Variants in ZNF451 observed in about 807,000 individuals in gnomAD.
ZNF451 encodes zinc finger protein 451, also known as E3 SUMO-protein ligase ZNF451.
A neutral mutation model predicts 107.1 loss-of-function variants in ZNF451; 80 were observed. The observed-to-expected ratio is 0.75, with a 90% CI of 0.62 to 0.90. The LOEUF (loss-of-function observed/expected upper bound fraction) is 0.90. ZNF451 is among the 40% of genes least tolerant of loss of function. The pLI is 0.00. For synonymous variants in ZNF451, 362 were observed against 406.5 expected (o/e 0.89, Z 1.32); for missense variants, 1,107 against 1,236.2 (o/e 0.90, Z 1.57).
At position 57,147,682 on chromosome 6, in the gene ZNF451, T is replaced by C; in HGVS notation, c.1597T>C (p.Cys533Arg). The part of the protein sequence containing the change: ...GAHLNNFLFW[C>R]RTCKKELTRK... ...ACATTTAAATAACTTTCTTTTCTGG[T>C]GTCGGACATGCAAAAAGGAGTTAAC... The change falls in exon 10 of 15, where the codon TGT (cysteine) becomes CGT (arginine). Residue 533 changes from cysteine (C) to arginine (R), a missense_variant. Cys to Arg is a radical substitution (Grantham distance 180). Coordinates refer to ENST00000370706, the MANE Select transcript of ZNF451 (RefSeq NM_001031623.3). 6.2e-7 allele frequency: 1 copy of C among 1,614,150 alleles called. No homozygotes were observed.
intron 8 of ZNF451, among the ~76,000 whole-genome samples, 197 bp downstream of exon 8, chr6:57,141,652 T>G (rs1052573005): frequency 1.3e-5 from 2 of 152,192 alleles, no homozygotes; most frequent in African/African-American, 4.8e-5. Flanking sequence ...CTTACTAACT[T>G]TGAAGACTGA....
chr6:57,127,597 A>G (rs943097955), intron 4 of ZNF451, among the ~76,000 whole-genome samples: 1 of 152,174 alleles, frequency 6.6e-6, no homozygotes, highest in Non-Finnish European at 1.5e-5. Context: ...TTTGAGAGGC[A>G]GTATGATTAT....
At chr6:57,102,199 A>G in intron 3 of ZNF451, 1 of 1,423,736 alleles carries the variant, frequency 7.0e-7, no homozygotes, top group Non-Finnish European at 9.1e-7. Context: ...CATCTCAAAA[A>G]CTGGATGCAT....
chr6:57,093,165 CTGA>C (rs370097317), intron 2 of ZNF451: 1 of 152,164 alleles, frequency 6.6e-6, no homozygotes, highest in African/African-American at 2.4e-5. Flanking sequence ...AAACTAATAG[CTGA>C]TGATGTGATA....
intron 5 of ZNF451, among the ~76,000 whole-genome samples, chr6:57,130,423 G>A (rs769802931): frequency 1.3e-5 from 2 of 152,042 alleles, no homozygotes; most frequent in Admixed American, 1.3e-4. Flanking sequence ...TCTTTGCTGC[G>A]TCAGAATATT....
chr6:57,157,910 T>C (rs1021508152), intron 13 of ZNF451, among the ~76,000 whole-genome samples: 4 of 152,392 alleles, frequency 2.6e-5, no homozygotes, highest in African/African-American at 7.2e-5. Context: ...TGAAGTTTAT[T>C]GTAGTTTATT....
intron 4 of ZNF451, among the ~76,000 whole-genome samples, chr6:57,125,471 T>TA (rs907814189): frequency 2.0e-5 from 3 of 152,140 alleles, no homozygotes; most frequent in African/African-American, 7.2e-5. Context: ...ATATATTGGG[T>TA]AAAAAACTCC....
chr6:57,101,060 ACTC>A, intron 3 of ZNF451: 2 of 1,550,388 alleles, frequency 1.3e-6, no homozygotes, highest in South Asian at 2.4e-5. Context: ...CCAAGTGAGA[ACTC>A]CTCAGTTCCT....
rs145406715 is a variant in ZNF451 at position 57,160,885 on chromosome 6, T to G, written c.3071-199T>G. 4.5e-4 allele frequency: 189 copies of G among 422,528 alleles called. 1 individual carries two copies. The highest frequency in any genetic ancestry group is 7.1e-4 in the Non-Finnish European group (165 of 233,758). 26.2% of individuals were successfully genotyped at this position (422,528 alleles called of 1,614,324 possible). ...TCCATAGAGATGAATGCATATGATT[T>G]TCAAAACAGGAGAATTTAATGTCAC... is the stretch of plus-strand genomic sequence containing the variant. On this transcript the variant is annotated intron_variant, in intron 13 of 14. Coordinates refer to ENST00000370706, the MANE Select transcript of ZNF451 (RefSeq NM_001031623.3).
chr6:57,094,323 A>G (rs778922310), intron 2 of ZNF451, among the ~76,000 whole-genome samples: 7 of 151,628 alleles, frequency 4.6e-5, no homozygotes, highest in Non-Finnish European at 1.0e-4. Context: ...TTTTATTTCT[A>G]TTTCAGAGAC....
At chr6:57,108,066 C>A (rs1209657167) in intron 3 of ZNF451, 31 of 761,822 alleles carry the variant, frequency 4.1e-5, no homozygotes. Flanking sequence ...TCTCAATCTC[C>A]TGAACCTTGT....
chr6:57,163,474 G>A (rs1335998689), intron 14 of ZNF451, among the ~76,000 whole-genome samples: 5 of 26,158 alleles, frequency 1.9e-4, no homozygotes, highest in African/African-American at 2.1e-4. Context: ...TTTTTGAGAC[G>A]GAGTCTCGCT....
intron 2 of ZNF451, among the ~76,000 whole-genome samples, chr6:57,097,444 C>T (rs1288290437): frequency 1.3e-5 from 2 of 152,190 alleles, no homozygotes; most frequent in Non-Finnish European, 2.9e-5. Context: ...CTTCTGTGTT[C>T]CTTTCTTTTG....
chr6:57,095,752 A>G lies in ZNF451; in HGVS notation c.106-3309A>G, dbSNP rs570280297. Among the ~76,000 whole-genome samples the G allele has an allele frequency of 9.2e-5, 14 of 152,172 alleles. No individual in the cohort carries two copies. The South Asian group carries it at 2.9e-3, about 32-fold the overall frequency. On this transcript the variant is annotated intron_variant, in intron 2 of 14. Coordinates refer to ENST00000370706, the MANE Select transcript of ZNF451 (RefSeq NM_001031623.3). ...GGTTTAATGGTTCACTGCAAGAATA[A>G]ATTTCTGATAACCTTATTTGTCCTT...
chr6:57,157,887 GAA>G (rs1642259207), intron 13 of ZNF451, among the ~76,000 whole-genome samples: 1 of 152,154 alleles, frequency 6.6e-6, no homozygotes, highest in Non-Finnish European at 1.5e-5. Flanking sequence ...CTTTTTAATT[GAA>G]AAAAGTTTAT....
intron 13 of ZNF451, among the ~76,000 whole-genome samples, chr6:57,157,469 G>A (rs1026372648): frequency 6.6e-6 from 1 of 152,166 alleles, no homozygotes; most frequent in African/African-American, 2.4e-5. Flanking sequence ...GAAAGGTTAA[G>A]TAGCTTTATT....
chr6:57,111,038 G>A (rs1830082021), intron 3 of ZNF451, among the ~76,000 whole-genome samples: 1 of 151,852 alleles, frequency 6.6e-6, no homozygotes, highest in East Asian at 1.9e-4. Flanking sequence ...TCCTGCCTCA[G>A]CCTCCCAAGT....
chr6:57,148,194 T>G lies in ZNF451; in HGVS notation c.2109T>G (p.Thr703=). ...TATTTGTGTCAGAAAAAACTGAAACTTCAATTAAAACCGAAGATGATTTTC... is the reference window on the plus strand; with the variant it reads ...TATTTGTGTCAGAAAAAACTGAAACGTCAATTAAAACCGAAGATGATTTTC... ...DYVFVSEKTE[T]SIKTEDDFPV... is the part of the protein sequence containing the mutation. The change falls in exon 10 of 15, where the codon ACT becomes ACG. Residue 703 remains threonine, a synonymous_variant. Coordinates refer to ENST00000370706, the MANE Select transcript of ZNF451 (RefSeq NM_001031623.3). The G allele has an allele frequency of 6.2e-7, 1 of 1,614,028 alleles. No individual in the cohort carries two copies. The highest frequency in any genetic ancestry group is 1.3e-5 in the African/African-American group (1 of 75,042).
At chr6:57,154,657 T>G (rs997487457) in intron 13 of ZNF451, 1 of 152,398 alleles carries the variant, frequency 6.6e-6, no homozygotes, top group East Asian at 1.9e-4. Context: ...GAAGTTTTGT[T>G]TTTCGTTTTT....
Sources: allele counts gnomAD v4.1 joint callset (sites outside exome capture counted in the v4.1 genomes callset), GRCh38; gene constraint gnomAD v4.1.1; transcripts MANE v1.5; gene names NCBI Gene and HGNC (gene_info 2026-07-23, HGNC 2026-07-21).